Variants in CATSPERE observed in about 807,000 individuals in gnomAD.
CATSPERE encodes catsper channel auxiliary subunit epsilon.
In CATSPERE, 93 loss-of-function variants were observed where a neutral mutation model predicts 114.1. The observed-to-expected ratio is 0.81, with a 90% CI of 0.69 to 0.97. The LOEUF (loss-of-function observed/expected upper bound fraction) is 0.97. Among genes scored for constraint, CATSPERE ranks in the 50% least tolerant of loss-of-function variants. The pLI is 0.00. For missense variants in CATSPERE, 1,058 were observed against 1,131.6 expected (o/e 0.93, Z 0.93); for synonymous variants, 341 against 384.1 (o/e 0.89, Z 1.31).
At chr1:244,495,104 ACACT>A (rs1395983537) in intron 6 of CATSPERE, among the ~76,000 whole-genome samples, 1 of 152,192 alleles carries the variant, frequency 6.6e-6, no homozygotes, top group African/African-American at 2.4e-5. Flanking sequence ...GCCAGTACAC[ACACT>A]CACAGACCTT....
At chr1:244,608,253 C>T (rs1670254500) in intron 18 of CATSPERE, among the ~76,000 whole-genome samples, 1 of 151,994 alleles carries the variant, frequency 6.6e-6, no homozygotes, top group Admixed American at 6.6e-5. Context: ...CATTTAAGGA[C>T]AGGGCATGGT....
At chr1:244,600,414 A>G (rs1444718604) in intron 17 of CATSPERE, among the ~76,000 whole-genome samples, 1 of 151,886 alleles carries the variant, frequency 6.6e-6, no homozygotes, top group Non-Finnish European at 1.5e-5. Flanking sequence ...TGCCCAGGTC[A>G]GTCACAAGGA....
At chr1:244,621,209 T>A (rs371693876) in intron 20 of CATSPERE, among the ~76,000 whole-genome samples, 370 of 5,826 alleles carry the variant, frequency 0.064, 28 homozygotes, top group African/African-American at 0.097. Flanking sequence ...ATAGATATAT[T>A]TATATATATA....
Position 244,583,112 on chromosome 1 carries a change from C to T in CATSPERE, c.2010-752C>T, listed in dbSNP as rs185032557. On this transcript the variant is annotated intron_variant, in intron 12 of 21. Coordinates refer to ENST00000366534, the MANE Select transcript of CATSPERE (RefSeq NM_001130957.2). ...TTTATGCTCCTAATGGTCTAGGTTC[C>T]TTTGGATATTTATGGTTTTGTGGAT... Among the ~76,000 whole-genome samples, 219 of 152,060 alleles carry T rather than the reference C, an allele frequency of 1.4e-3. 4 individuals carry two copies. The highest frequency in any genetic ancestry group is 5.7e-4 in the Non-Finnish European group (39 of 68,014).
At chr1:244,501,242 T>C (rs771358874) in intron 7 of CATSPERE, among the ~76,000 whole-genome samples, 3 of 152,218 alleles carry the variant, frequency 2.0e-5, no homozygotes, top group Non-Finnish European at 2.9e-5. Context: ...TGAGCATCCA[T>C]ATCAAAACCT....
chr1:244,477,040 G>T (rs948768506), intron 2 of CATSPERE, among the ~76,000 whole-genome samples: 5 of 152,050 alleles, frequency 3.3e-5, no homozygotes, highest in African/African-American at 1.2e-4. Flanking sequence ...TTGTCTCCCA[G>T]GCTGGAGTAC....
chr1:244,593,706 G>A (rs1341115367), intron 17 of CATSPERE, 128 bp downstream of exon 17: 1 of 748,822 alleles, frequency 1.3e-6, no homozygotes, highest in Non-Finnish European at 2.2e-6. Context: ...TGCGAGACTT[G>A]GTTTTCAGTA....
chr1:244,459,783 A>G (rs1045549243), upstream of CATSPERE, among the ~76,000 whole-genome samples: 1 of 152,222 alleles, frequency 6.6e-6, no homozygotes, highest in African/African-American at 2.4e-5. Flanking sequence ...CAGGCTGTTC[A>G]CTTAAACACT....
intron 5 of CATSPERE, among the ~76,000 whole-genome samples, chr1:244,486,705 G>T (rs1384424032): frequency 1.5e-5 from 2 of 130,174 alleles, no homozygotes; most frequent in Non-Finnish European, 3.3e-5. Flanking sequence ...GTAGTCACCT[G>T]CTGGGTGGTC....
At chr1:244,494,145 A>C (rs971847225) in intron 6 of CATSPERE, among the ~76,000 whole-genome samples, 1 of 152,128 alleles carries the variant, frequency 6.6e-6, no homozygotes, top group Non-Finnish European at 1.5e-5. Context: ...ATAAAGACAC[A>C]TGCACACGTA....
intron 7 of CATSPERE, among the ~76,000 whole-genome samples, chr1:244,510,275 C>T (rs1348282661): frequency 6.6e-6 from 1 of 152,150 alleles, no homozygotes; most frequent in Non-Finnish European, 1.5e-5. Context: ...GTGTTTCTAT[C>T]TTCATTTGCG....
chr1:244,628,965 C>T (rs1673551077), intron 20 of CATSPERE, among the ~76,000 whole-genome samples: 1 of 152,168 alleles, frequency 6.6e-6, no homozygotes, highest in Non-Finnish European at 1.5e-5. Flanking sequence ...TTCTGACTTC[C>T]TGGTGTTAGA....
intron 9 of CATSPERE, among the ~76,000 whole-genome samples, 184 bp downstream of exon 9, chr1:244,552,998 C>T (rs1393477381): frequency 6.6e-6 from 1 of 152,070 alleles, no homozygotes; most frequent in Non-Finnish European, 1.5e-5. Context: ...GATACACCCC[C>T]AACAACTAAA....
At chr1:244,519,255 AG>A (rs1677134968) in intron 8 of CATSPERE, among the ~76,000 whole-genome samples, 2 of 152,296 alleles carry the variant, frequency 1.3e-5, no homozygotes, top group Middle Eastern at 3.4e-3. Flanking sequence ...CAGGATGCAG[AG>A]GAACACAAAG....
intron 5 of CATSPERE, among the ~76,000 whole-genome samples, chr1:244,487,861 C>G (rs3003303): frequency 0.24 from 36,377 of 151,950 alleles, 5,091 homozygotes; most frequent in East Asian, 0.42. Context: ...CATCACACTT[C>G]GCTTACAAAA....
At position 244,502,849 on chromosome 1, in the gene CATSPERE, A is replaced by G. The variant is rs190658491; in HGVS notation, c.429+3770A>G. 1.1e-3 allele frequency among the ~76,000 whole-genome samples: 161 copies of G among 152,294 alleles called. 1 individual carries two copies. Among genetic ancestry groups the G allele is most frequent in the East Asian group, 7.1e-3 (37 of 5,186 alleles). On this transcript the variant is annotated intron_variant, in intron 7 of 21. Transcript: ENST00000366534. ...GTAGAATAGGTTTGAAAATTGTCCA[A>G]CAGAAGAACAGAAAATGCCTCAGAG...
At chr1:244,596,985 T>G (rs1235113175) in intron 17 of CATSPERE, among the ~76,000 whole-genome samples, 1 of 152,058 alleles carries the variant, frequency 6.6e-6, no homozygotes, top group South Asian at 2.1e-4. Context: ...TCACTATAGA[T>G]GAACTGTCTG....
Position 244,624,894 on chromosome 1 carries a change from C to T in CATSPERE, c.2648+7208C>T, listed in dbSNP as rs546176940. Among the ~76,000 whole-genome samples the T allele has an allele frequency of 1.4e-4, 22 of 152,212 alleles. 1 individual carries two copies. Among genetic ancestry groups the T allele is most frequent in the African/African-American group, 5.3e-4 (22 of 41,546 alleles). On this transcript the variant is annotated intron_variant, in intron 20 of 21. Coordinates refer to ENST00000366534, the MANE Select transcript of CATSPERE (RefSeq NM_001130957.2). ...GTTTTATCATGACATTGTGGCAATTCAGTTCCATCTTCAGGCTCCACTTCT... is the reference window on the plus strand; with the variant it reads ...GTTTTATCATGACATTGTGGCAATTTAGTTCCATCTTCAGGCTCCACTTCT...
intron 8 of CATSPERE, among the ~76,000 whole-genome samples, chr1:244,532,154 T>C (rs986064874): frequency 3.3e-5 from 5 of 152,190 alleles, no homozygotes; most frequent in African/African-American, 1.2e-4. Flanking sequence ...TTTGAATTTC[T>C]GTGGCATTGG....
Sources: gnomAD v4.1 joint callset for allele counts (sites outside exome capture counted in the v4.1 genomes callset) on GRCh38, gnomAD v4.1.1 for gene constraint, MANE v1.5 for transcripts, NCBI Gene and HGNC (gene_info 2026-07-23, HGNC 2026-07-21) for gene names.